SDAD1: variants seen among roughly 807,000 people sequenced by gnomAD.
SDAD1 encodes the protein protein SDA1 homolog.
In SDAD1, 79 loss-of-function variants were observed where a neutral mutation model predicts 100.3. The ratio of observed to expected loss-of-function variants is 0.79; its 90% CI spans 0.66 to 0.95. SDAD1 has a LOEUF of 0.95. Ranked by LOEUF, SDAD1 falls within the 40% of genes least tolerant of loss-of-function variation. SDAD1 has a pLI of 0.00. For missense variants in SDAD1, 790 were observed against 810.9 expected (o/e 0.97, Z 0.31); for synonymous variants, 267 against 271.4 (o/e 0.98, Z 0.16).
chr4:75,959,765 G>A (rs192288649), intron 17 of SDAD1, among the ~76,000 whole-genome samples: 5 of 152,274 alleles, frequency 3.3e-5, no homozygotes, highest in African/African-American at 4.8e-5. Flanking sequence ...GCTAACCCCC[G>A]TAATTTTTTC....
chr4:75,968,980 G>A (rs960440403), intron 11 of SDAD1, among the ~76,000 whole-genome samples: 46 of 139,526 alleles, frequency 3.3e-4, no homozygotes, highest in African/African-American at 2.4e-4. Flanking sequence ...GCAGTGAGCC[G>A]AGATTGCGCC....
rs1294256274 is a variant in SDAD1, at chr4:75,955,987, G to A, written c.2004C>T (p.Phe668=). The change falls in exon 21 of 22, where the codon TTC becomes TTT. Residue 668 remains phenylalanine, a synonymous_variant. Transcript: ENST00000356260. The part of the protein sequence containing the change: ...QNVRSKNKRS[F]REKQLALRDA... ...AAGTGGAACTCACCTGTTTTTCTCG[G>A]AAGGAACGCTTATTTTTTGACCGGA... 3.8e-6 allele frequency: 6 copies of A among 1,597,346 alleles called. No homozygotes were observed. Among genetic ancestry groups the A allele is most frequent in the Non-Finnish European group, 5.1e-6 (6 of 1,176,124 alleles).
At chr4:75,951,183 AT>A (rs2149304260) in intron 21 of SDAD1, among the ~76,000 whole-genome samples, 1 of 152,262 alleles carries the variant, frequency 6.6e-6, no homozygotes, top group South Asian at 2.1e-4. Context: ...AGGAAAACAG[AT>A]TTTTCTTCAT....
intron 1 of SDAD1, among the ~76,000 whole-genome samples, chr4:75,989,858 T>C (rs770555671): frequency 1.3e-5 from 2 of 152,132 alleles, no homozygotes; most frequent in Non-Finnish European, 2.9e-5. Flanking sequence ...AAAATACATA[T>C]ATGTGAAAAT....
Position 75,964,273 on chromosome 4 carries a change from G to A in SDAD1, c.1105-62C>T, listed in dbSNP as rs1729414254. The A allele has an allele frequency of 1.9e-5, 20 of 1,065,884 alleles. No homozygotes were observed. In the South Asian group the frequency reaches 2.2e-4, roughly 12 times the overall value. The allele number at this position is 1,065,884 out of a possible 1,614,324, so 66.0% of individuals were successfully genotyped here. A position where few individuals can be genotyped will look rare whatever the true frequency, so the allele number is the denominator to read the frequency against. ...AATGTCTGCATACACAAACACATAAGAATGAAAGGACAATAGATTATTCAT... is the reference window on the plus strand; with the variant it reads ...AATGTCTGCATACACAAACACATAAAAATGAAAGGACAATAGATTATTCAT... On this transcript the variant is annotated intron_variant, in intron 13 of 21. Transcript: ENST00000356260.
chr4:75,975,991 A>G lies in SDAD1; in HGVS notation c.410T>C (p.Leu137Ser), dbSNP rs752168536. Residue 137 changes from leucine to serine, a missense_variant, in exon 5 of 22, where the codon TTA (leucine) becomes TCA (serine). Physicochemically the swap from Leu to Ser is moderately radical, Grantham distance 145. Coordinates refer to ENST00000356260, the MANE Select transcript of SDAD1 (RefSeq NM_018115.4). ...RCHDKLLRKT[L>S]YTHIVTDIKN... Reference sequence around the variant, plus strand: ...GATATCAGTCACAATATGTGTGTATAAAGTCTGAGGAAAAGAAACAAAAAT... The same window carrying G: ...GATATCAGTCACAATATGTGTGTATGAAGTCTGAGGAAAAGAAACAAAAAT... The G allele has an allele frequency of 1.9e-6, 3 of 1,595,230 alleles. No individual in the cohort carries two copies. The highest frequency in any genetic ancestry group is 1.3e-5 in the African/African-American group (1 of 74,466).
intron 21 of SDAD1, among the ~76,000 whole-genome samples, chr4:75,954,147 C>T (rs950468692): frequency 2.0e-5 from 3 of 151,876 alleles, no homozygotes; most frequent in East Asian, 1.9e-4. Context: ...TTTGGGAGAC[C>T]GAGGCAGGCA....
At chr4:75,950,826 AT>A (rs775387764) in intron 21 of SDAD1, 29 bp from the exon 22 acceptor site, 1 of 1,527,440 alleles carries the variant, frequency 6.5e-7, no homozygotes, top group African/African-American at 1.4e-5. Flanking sequence ...TTGAAACATG[AT>A]AACTCTTGGG....
At chr4:75,961,397 A>G in intron 14 of SDAD1, 89 bp from the exon 15 acceptor site, 1 of 969,856 alleles carries the variant, frequency 1.0e-6, no homozygotes, top group East Asian at 2.4e-5. Flanking sequence ...AGATTAACTC[A>G]AAAGGAAAAC....
chr4:75,982,737 T>C (rs1008331667), intron 1 of SDAD1, among the ~76,000 whole-genome samples: 2 of 152,022 alleles, frequency 1.3e-5, no homozygotes, highest in South Asian at 2.1e-4. Context: ...GGCAGAAATA[T>C]AAATTATATC....
intron 13 of SDAD1, among the ~76,000 whole-genome samples, chr4:75,965,074 CTCT>C (rs1729461275): frequency 6.6e-6 from 1 of 152,156 alleles, no homozygotes; most frequent in South Asian, 2.1e-4. Context: ...AGCCATATTT[CTCT>C]TCTTTCAAAA....
In SDAD1 at chr4:75,958,370, A is replaced by C. The variant is rs72651396; in HGVS notation, c.1484-429T>G. 4.5e-3 allele frequency among the ~76,000 whole-genome samples: 684 copies of C among 152,310 alleles called. 5 individuals carry two copies. The highest frequency in any genetic ancestry group is 7.9e-3 in the Non-Finnish European group (537 of 68,022). Reference sequence around the variant, plus strand: ...TATCCTGGCCACGCAGCAGGCATCTAATTTGTCCTATGCGTGTTACCCACG... The same window carrying C: ...TATCCTGGCCACGCAGCAGGCATCTCATTTGTCCTATGCGTGTTACCCACG... On this transcript the variant is annotated intron_variant, in intron 17 of 21. Transcript: ENST00000356260.
rs1340714146 is a variant in SDAD1, at chr4:75,957,847, G to A, written c.1578C>T (p.Ile526=). ...TATAAGATGAAATTTTCAGACTTAC[G>A]ATTTCTTGCTGTTCTTCATCGGAAG... ...QHSSDEEQQE[I]SKKLNSMPME... Residue 526 remains isoleucine, a splice_region_variant and synonymous_variant, in exon 18 of 22, where the codon ATC becomes ATT. Transcript: ENST00000356260. 1.5e-5 allele frequency: 25 copies of A among 1,613,754 alleles called. No homozygotes were observed. Among genetic ancestry groups the A allele is most frequent in the East Asian group, 4.5e-5 (2 of 44,892 alleles).
chr4:75,950,996 T>C lies in SDAD1; in HGVS notation c.2017-199A>G, dbSNP rs576162364. ...TACTGCTAGGAAATATGCAAAACTC[T>C]TGACTGCTGTTCCCAACTCATGGAG... On this transcript the variant is annotated intron_variant, in intron 21 of 21. Transcript: ENST00000356260. Among the ~76,000 whole-genome samples, 62 of 152,252 alleles carry C rather than the reference T, an allele frequency of 4.1e-4. 1 individual carries two copies. Among genetic ancestry groups the C allele is most frequent in the African/African-American group, 1.5e-3 (61 of 41,554 alleles).
intron 14 of SDAD1, among the ~76,000 whole-genome samples, chr4:75,963,777 C>G (rs1161436517): frequency 6.6e-6 from 1 of 152,116 alleles, no homozygotes; most frequent in Non-Finnish European, 1.5e-5. Context: ...CAATGCCATG[C>G]CCTTGGACTT....
In SDAD1 at chr4:75,961,320, A is replaced by G; in HGVS notation, c.1182-12T>C. On this transcript the variant is annotated splice_polypyrimidine_tract_variant and intron_variant, in intron 14 of 21. Transcript: ENST00000356260. ...TTATAGCATTGATTCTAGAAAAAGA[A>G]AAACAAAGTTTAAAAGAGCCCGAAT... 1.2e-6 allele frequency: 2 copies of G among 1,601,372 alleles called. No homozygotes were observed. The highest frequency in any genetic ancestry group is 1.7e-4 in the Middle Eastern group (1 of 6,028).
At chr4:75,990,682 A>C in intron 1 of SDAD1, 70 bp downstream of exon 1, 1 of 1,608,378 alleles carries the variant, frequency 6.2e-7, no homozygotes, top group Non-Finnish European at 8.5e-7. Context: ...GCCCCACTCC[A>C]TGCTTTCCCG....
chr4:75,971,294 G>T, intron 9 of SDAD1, 63 bp downstream of exon 9: 1 of 1,116,760 alleles, frequency 9.0e-7, no homozygotes, highest in Non-Finnish European at 1.3e-6. Context: ...AAAAGCTCTG[G>T]CTAACGACAA....
At chr4:75,979,501 G>A (rs1730366916) in intron 3 of SDAD1, among the ~76,000 whole-genome samples, 1 of 151,630 alleles carries the variant, frequency 6.6e-6, no homozygotes, top group African/African-American at 2.4e-5. Context: ...TGAGACAGAG[G>A]CTGGAGTGCA....
Sources: allele counts gnomAD v4.1 joint callset (sites outside exome capture counted in the v4.1 genomes callset), GRCh38; gene constraint gnomAD v4.1.1; transcripts MANE v1.5; gene names NCBI Gene and HGNC (gene_info 2026-07-23, HGNC 2026-07-21).